The following GOLGA4 variants were observed in gnomAD, a reference collection of about 807,000 sequenced individuals.
The protein encoded by GOLGA4 is golgin subfamily A member 4.
Under a neutral mutation model 265.9 loss-of-function variants are expected in GOLGA4, and 169 were observed. That is an observed-to-expected ratio of 0.64 (90% CI 0.56 to 0.72). The LOEUF (loss-of-function observed/expected upper bound fraction) is 0.72. Ranked by LOEUF, GOLGA4 falls within the 30% of genes least tolerant of loss-of-function variation. GOLGA4 has a pLI of 0.00. For missense variants in GOLGA4, 2,482 were observed against 2,483.4 expected (o/e 1.00, Z 0.01); for synonymous variants, 923 against 855.8 (o/e 1.08, Z -1.37).
chr3:37,358,084 C>T (rs1014821997), intron 22 of GOLGA4, among the ~76,000 whole-genome samples: 19 of 152,206 alleles, frequency 1.2e-4, no homozygotes, highest in African/African-American at 4.3e-4. Flanking sequence ...CCGAGCTGCC[C>T]CCTCTTCAAA....
At chr3:37,258,290 T>G (rs1040842827) in intron 2 of GOLGA4, among the ~76,000 whole-genome samples, 50 of 149,880 alleles carry the variant, frequency 3.3e-4, no homozygotes, top group Middle Eastern at 3.5e-3. Flanking sequence ...ATGATATATA[T>G]AGAGCATATA....
At position 37,321,852 on chromosome 3, in the gene GOLGA4, G is replaced by A. The variant is rs201915621; in HGVS notation, c.1667G>A (p.Arg556Gln). The A allele has an allele frequency of 3.7e-5, 60 of 1,611,734 alleles. No homozygotes were observed. Among genetic ancestry groups the A allele is most frequent in the African/African-American group, 2.1e-4 (16 of 74,864 alleles). Residue 556 changes from arginine to glutamine, a missense_variant, in exon 13 of 24, where the codon CGG becomes CAG. Transcript: ENST00000361924. ...AILTESENKL[R>Q]DLQQEAETYR... ...CTCACAGAAAGTGAAAATAAACTTC[G>A]GGACCTTCAGCAAGAAGCAGAGACT...
At chr3:37,273,629 A>G in intron 2 of GOLGA4, 1 of 1,154,238 alleles carries the variant, frequency 8.7e-7, no homozygotes, top group Non-Finnish European at 1.3e-6. Flanking sequence ...ATTTTAGAAA[A>G]TAACAAGTCA....
In GOLGA4 at chr3:37,325,413, G is replaced by T. The variant is rs1202622845; in HGVS notation, c.3527G>T (p.Ser1176Ile). The change falls in exon 14 of 24, where the codon AGC becomes ATC. Residue 1176 changes from serine to isoleucine, a missense_variant. By Grantham distance (142) the Ser-to-Ile change is moderately radical (BLOSUM62 -2). Around this residue, in one of 3 missense-constraint regions of GOLGA4, gnomAD observed 1,536 missense variants for 1,483.7 expected, o/e 1.04. Coordinates refer to ENST00000361924, the MANE Select transcript of GOLGA4 (RefSeq NM_002078.5). ...EDKRKVSELT[S>I]KLKTTDEEFQ... ...AAGCGGAAGGTTTCTGAGTTGACTA[G>T]CAAGTTGAAAACCACAGATGAAGAA... 1 of 1,611,088 alleles carries T rather than the reference G, an allele frequency of 6.2e-7. No individual in the cohort carries two copies. Among genetic ancestry groups the T allele is most frequent in the Non-Finnish European group, 8.5e-7 (1 of 1,179,086 alleles).
intron 1 of GOLGA4, among the ~76,000 whole-genome samples, chr3:37,246,869 CACTCTTTT>C: frequency 6.6e-6 from 1 of 152,270 alleles, no homozygotes; most frequent in East Asian, 1.9e-4. Flanking sequence ...CAGCTGACCT[CACTCTTTT>C]AGAGTGAGAC....
In GOLGA4 at chr3:37,257,537, G is replaced by A. The variant is rs77271601; in HGVS notation, c.162+6053G>A. Among the ~76,000 whole-genome samples, 1,517 of 152,140 alleles carry A rather than the reference G, an allele frequency of 1.0e-2. 32 individuals are homozygous for A. The highest frequency in any genetic ancestry group is 0.033 in the African/African-American group (1,357 of 41,472). ...ACATCTCTAGTGTGGTACCTTGCAC[G>A]TAGTAGGTGCTAACTAAGTTATTAG... On this transcript the variant is annotated intron_variant, in intron 2 of 23. Transcript: ENST00000361924.
At chr3:37,272,908 G>T (rs553490365) in intron 2 of GOLGA4, among the ~76,000 whole-genome samples, 1 of 152,244 alleles carries the variant, frequency 6.6e-6, no homozygotes, top group East Asian at 1.9e-4. Flanking sequence ...CTAGTATCAT[G>T]AAATCTATGC....
chr3:37,270,761 A>G (rs1450065681), intron 2 of GOLGA4, among the ~76,000 whole-genome samples: 1 of 152,150 alleles, frequency 6.6e-6, no homozygotes, highest in Non-Finnish European at 1.5e-5. Context: ...GACTGGTTTC[A>G]TGGAAGACAG....
Position 37,325,098 on chromosome 3 carries a change from A to C in GOLGA4, c.3212A>C (p.Gln1071Pro). The change falls in exon 14 of 24, where the codon CAA becomes CCA. Residue 1071 changes from glutamine to proline, a missense_variant. Coordinates refer to ENST00000361924, the MANE Select transcript of GOLGA4 (RefSeq NM_002078.5). ...IHEIQLQEKE[Q>P]EVAELKQKIL... ...GAAATCCAATTACAGGAAAAAGAACAAGAGGTAGCAGAACTGAAACAAAAG... is the reference window on the plus strand; with the variant it reads ...GAAATCCAATTACAGGAAAAAGAACCAGAGGTAGCAGAACTGAAACAAAAG... 4 of 1,612,830 alleles carry C rather than the reference A, an allele frequency of 2.5e-6. No individual in the cohort carries two copies. The highest frequency in any genetic ancestry group is 3.4e-6 in the Non-Finnish European group (4 of 1,179,222).
intron 23 of GOLGA4, among the ~76,000 whole-genome samples, chr3:37,362,236 TA>T (rs1202315359): frequency 5.2e-5 from 7 of 133,748 alleles, no homozygotes; most frequent in African/African-American, 2.2e-4. Flanking sequence ...TTTATTTATT[TA>T]TTATTTTTTT....
chr3:37,243,680 G>T, intron 1 of GOLGA4, 58 bp downstream of exon 1: 1 of 1,397,588 alleles, frequency 7.2e-7, no homozygotes, highest in South Asian at 1.2e-5. Context: ...CCGGCCCGCG[G>T]ACGAAAGAGG....
In GOLGA4 at chr3:37,295,153, A is replaced by G. The variant is rs1246578082; in HGVS notation, c.681+76A>G. 3 of 777,420 alleles carry G rather than the reference A, an allele frequency of 3.9e-6. No homozygotes were observed. The African/African-American group carries it at 5.4e-5, about 14-fold the overall frequency. The allele number at this position is 777,420 out of a possible 1,614,324, so 48.2% of individuals were successfully genotyped here. Reference sequence around the variant, plus strand: ...AGGGGGTTTGATTTGGATATCTGCAAGGTTGCAAAAGTTTTTTCTTTTTTA... The same window carrying G: ...AGGGGGTTTGATTTGGATATCTGCAGGGTTGCAAAAGTTTTTTCTTTTTTA... On this transcript the variant is annotated intron_variant, in intron 6 of 23. Coordinates refer to ENST00000361924, the MANE Select transcript of GOLGA4 (RefSeq NM_002078.5).
Position 37,323,767 on chromosome 3 carries a change from G to C in GOLGA4, c.1881G>C (p.Trp627Cys). ...ESLKHQQDAL[W>C]TEKLQVLKQQ... ...TTAAGCATCAGCAGGATGCCCTTTG[G>C]ACTGAAAAACTCCAAGTCTTAAAGC... Residue 627 changes from tryptophan (W) to cysteine (C), a missense_variant, in exon 14 of 24, where the codon TGG becomes TGC. Around this residue, in one of 3 missense-constraint regions of GOLGA4, gnomAD observed 1,536 missense variants for 1,483.7 expected, o/e 1.04. Coordinates refer to ENST00000361924, the MANE Select transcript of GOLGA4 (RefSeq NM_002078.5). 8 of 1,610,942 alleles carry C rather than the reference G, an allele frequency of 5.0e-6. No individual in the cohort carries two copies. Among genetic ancestry groups the C allele is most frequent in the Non-Finnish European group, 5.9e-6 (7 of 1,179,272 alleles).
chr3:37,244,755 ACAT>A (rs2096714350), intron 1 of GOLGA4, among the ~76,000 whole-genome samples: 1 of 152,374 alleles, frequency 6.6e-6, no homozygotes, highest in Admixed American at 6.5e-5. Flanking sequence ...CTTGAGAAAA[ACAT>A]CAGAACACAA....
rs1411543391 is a variant in GOLGA4, at chr3:37,282,062, T to C, written c.267T>C (p.Ser89=). Residue 89 remains serine (S), a synonymous_variant, in exon 3 of 24, where the codon TCT becomes TCC. Transcript: ENST00000361924. ...AGGAATCTCTATTCCGGTCTTCTTC[T>C]AAAGAGTCTTTGGTACGAACATCTT... ...PIKESLFRSS[S]KESLVRTSSR... 6.2e-7 allele frequency: 1 copy of C among 1,614,114 alleles called. No homozygotes were observed. The highest frequency in any genetic ancestry group is 8.5e-7 in the Non-Finnish European group (1 of 1,179,938).
chr3:37,363,194 T>A (rs1305773419), intron 23 of GOLGA4, among the ~76,000 whole-genome samples: 2 of 152,198 alleles, frequency 1.3e-5, no homozygotes, highest in Non-Finnish European at 2.9e-5. Flanking sequence ...CTTATTTTTG[T>A]CATCCACATT....
At chr3:37,297,901 C>T (rs114962015) in intron 7 of GOLGA4, among the ~76,000 whole-genome samples, 5,832 of 152,052 alleles carry the variant, frequency 0.038, 141 homozygotes, top group African/African-American at 0.056. Flanking sequence ...TGGTGGTGTG[C>T]GCCTGTAATC....
chr3:37,264,371 C>T (rs1415485579), intron 2 of GOLGA4, among the ~76,000 whole-genome samples: 1 of 152,018 alleles, frequency 6.6e-6, no homozygotes, highest in Admixed American at 6.6e-5. Flanking sequence ...TGATGATACC[C>T]TAGAGCCAAA....
chr3:37,323,158 G>A (rs1025821446), intron 13 of GOLGA4, among the ~76,000 whole-genome samples: 5 of 115,376 alleles, frequency 4.3e-5, no homozygotes, highest in Admixed American at 1.2e-4. Flanking sequence ...GAGGAGTCTC[G>A]CTTTGTTGCC....
Sources: allele counts gnomAD v4.1 joint callset (sites outside exome capture counted in the v4.1 genomes callset), GRCh38; gene constraint gnomAD v4.1.1; regional missense constraint gnomAD v4.1.1; transcripts MANE v1.5; gene names NCBI Gene and HGNC (gene_info 2026-07-23, HGNC 2026-07-21).